The following ATP1B1 variants were observed in gnomAD, a reference collection of about 807,000 sequenced individuals.
ATP1B1 encodes the protein sodium/potassium-transporting ATPase subunit beta-1.
A neutral mutation model predicts 39.6 loss-of-function variants in ATP1B1; 3 were observed. That is an observed-to-expected ratio of 0.08 (90% CI 0.03 to 0.20). The LOEUF (loss-of-function observed/expected upper bound fraction) is 0.20, where lower values mean the gene tolerates loss of function less well. Ranked by LOEUF, ATP1B1 falls within the 10% of genes least tolerant of loss-of-function variation. The pLI, the probability that ATP1B1 is intolerant of heterozygous loss-of-function variation, is 1.00. For synonymous variants in ATP1B1, 139 were observed against 135.0 expected, an observed-to-expected ratio of 1.03 and a Z score of -0.20; for missense variants, 216 against 371.1, an observed-to-expected ratio of 0.58 and a Z score of 3.43.
intron 2 of ATP1B1, among the ~76,000 whole-genome samples, chr1:169,115,185 CAAAAAAAAA>C (rs35200858): frequency 2.5e-5 from 2 of 79,032 alleles, no homozygotes; most frequent in Non-Finnish European, 5.3e-5. Context: ...GACTCCATCT[CAAAAAAAAA>C]AAAAAGAAAA....
chr1:169,120,761 T>G (rs918585066), intron 2 of ATP1B1, among the ~76,000 whole-genome samples: 3 of 152,220 alleles, frequency 2.0e-5, no homozygotes, highest in Non-Finnish European at 2.9e-5. Context: ...GGCTTTCAGG[T>G]TGAAAGGGAT....
Position 169,120,580 on chromosome 1 carries a change from G to A in ATP1B1, c.227-4304G>A, listed in dbSNP as rs555236325. ...GCAAGTCACAGGGTTCTAAGACTCC[G>A]TGCTTAGCTGTCTTATGTTTCACCC... is the stretch of plus-strand genomic sequence containing the variant. On this transcript the variant is annotated intron_variant, in intron 2 of 5. Transcript: ENST00000367815. Among the ~76,000 whole-genome samples, 49 of 152,294 alleles carry A rather than the reference G, an allele frequency of 3.2e-4. 1 individual carries two copies. Among genetic ancestry groups the A allele is most frequent in the African/African-American group, 1.1e-3 (44 of 41,554 alleles).
intron 2 of ATP1B1, among the ~76,000 whole-genome samples, chr1:169,124,438 C>T (rs7540067): frequency 0.42 from 64,180 of 151,980 alleles, 14,965 homozygotes; most frequent in Non-Finnish European, 0.52. Context: ...AAGGCTTACA[C>T]GTAATTAGGG....
Position 169,131,231 on chromosome 1 carries a change from T to C in ATP1B1, c.649-61T>C. Reference sequence around the variant, plus strand: ...TACTGTGTAGATTGAGTCTTGTTTTTGAGTACACATAGTGATGCATGATGT... The same window carrying C: ...TACTGTGTAGATTGAGTCTTGTTTTCGAGTACACATAGTGATGCATGATGT... On this transcript the variant is annotated intron_variant, in intron 5 of 5. Transcript: ENST00000367815. This position sits in a 1 kb window ranked among gnomAD's most constrained non-coding sequence, Gnocchi z 4.4. The C allele has an allele frequency of 6.6e-7, 1 of 1,521,986 alleles. No homozygotes were observed. The highest frequency in any genetic ancestry group is 1.4e-5 in the South Asian group (1 of 73,924). 94.3% of individuals were successfully genotyped at this position (1,521,986 alleles called of 1,614,324 possible).
Position 169,111,795 on chromosome 1 carries a change from G to C in ATP1B1, c.226+297G>C, listed in dbSNP as rs534216859. ...ACTGTGAACAGATTGAGTTCTGATGGGGGCCTCTGTCTTCTCATTTTTCAT... is the reference window on the plus strand; with the variant it reads ...ACTGTGAACAGATTGAGTTCTGATGCGGGCCTCTGTCTTCTCATTTTTCAT... On this transcript the variant is annotated intron_variant, in intron 2 of 5. Coordinates refer to ENST00000367815, the MANE Select transcript of ATP1B1 (RefSeq NM_001677.4). Among the ~76,000 whole-genome samples, 62 of 152,074 alleles carry C rather than the reference G, an allele frequency of 4.1e-4. 1 individual carries two copies. Among genetic ancestry groups the C allele is most frequent in the Admixed American group, 1.3e-3 (20 of 15,280 alleles).
At chr1:169,107,427 A>C (rs1557945656) in intron 1 of ATP1B1, among the ~76,000 whole-genome samples, 1 of 152,136 alleles carries the variant, frequency 6.6e-6, no homozygotes, top group East Asian at 1.9e-4. Flanking sequence ...GGTGGAGAGG[A>C]ATCCATCCAC....
intron 2 of ATP1B1, among the ~76,000 whole-genome samples, chr1:169,124,516 C>T (rs1360349483): frequency 1.3e-5 from 2 of 152,200 alleles, no homozygotes; most frequent in East Asian, 3.9e-4. Context: ...CGTTGGGGTA[C>T]TAGAAACATA....
Position 169,106,938 on chromosome 1 carries a change from G to C in ATP1B1, c.97+12G>C, listed in dbSNP as rs1657604630. The C allele has an allele frequency of 1.9e-6, 3 of 1,570,700 alleles. No homozygotes were observed. Among genetic ancestry groups the C allele is most frequent in the African/African-American group, 1.4e-5 (1 of 70,838 alleles). The stretch of plus-strand genomic sequence containing the variant: ...CGGTGGCAGTTGGTGTAAGTACGGG[G>C]TCCGCAGCTCCCGGCCGCCGCGTCT... On this transcript the variant is annotated intron_variant, in intron 1 of 5. Transcript: ENST00000367815.
chr1:169,131,894 G>A lies in ATP1B1; in HGVS notation c.*339G>A, dbSNP rs1238033553. The A allele has an allele frequency of 8.4e-6, 3 of 357,280 alleles. No homozygotes were observed. The highest frequency in any genetic ancestry group is 2.1e-5 in the African/African-American group (1 of 46,602). 22.1% of individuals were successfully genotyped at this position (357,280 alleles called of 1,614,324 possible). On this transcript the variant is annotated 3_prime_UTR_variant, in exon 6 of 6. Coordinates refer to ENST00000367815, the MANE Select transcript of ATP1B1 (RefSeq NM_001677.4). The surrounding 1 kb of genome is among the most constrained non-coding windows in gnomAD (Gnocchi z 4.4). The stretch of plus-strand genomic sequence containing the variant: ...CCTTGTGTATTTTATTTAGTGTACA[G>A]TACTACAGGTGCATACTCTGGTCAT...
At chr1:169,128,654 C>G (rs1419840522) in intron 4 of ATP1B1, among the ~76,000 whole-genome samples, 1 of 152,216 alleles carries the variant, frequency 6.6e-6, no homozygotes, top group Non-Finnish European at 1.5e-5. Flanking sequence ...CTGGGGAATA[C>G]TTCACTGAGA....
At chr1:169,123,176 G>A (rs552936868) in intron 2 of ATP1B1, among the ~76,000 whole-genome samples, 6 of 152,262 alleles carry the variant, frequency 3.9e-5, no homozygotes, top group Non-Finnish European at 7.3e-5. Context: ...CGTTAACGTC[G>A]TTGTCTTCAT....
At chr1:169,119,821 G>T (rs980214921) in intron 2 of ATP1B1, among the ~76,000 whole-genome samples, 11 of 152,056 alleles carry the variant, frequency 7.2e-5, no homozygotes, top group Non-Finnish European at 1.6e-4. Flanking sequence ...TGTAAGTTGG[G>T]AACTGTCTGT....
chr1:169,113,691 A>G (rs1395173159), intron 2 of ATP1B1, among the ~76,000 whole-genome samples: 1 of 152,078 alleles, frequency 6.6e-6, no homozygotes, highest in Non-Finnish European at 1.5e-5. Flanking sequence ...TCCCCTTCCT[A>G]AAAGACATGT....
intron 1 of ATP1B1, chr1:169,110,631 A>G (rs1657709307): frequency 2.5e-6 from 3 of 1,220,658 alleles, no homozygotes; most frequent in African/African-American, 1.9e-5. Flanking sequence ...CTTGTTAACT[A>G]TGGGAAAAAG....
At position 169,106,804 on chromosome 1, in the gene ATP1B1, G is replaced by T. The variant is rs762008819; in HGVS notation, c.-26G>T. On this transcript the variant is annotated 5_prime_UTR_variant, in exon 1 of 6. Transcript: ENST00000367815. The stretch of plus-strand genomic sequence containing the variant: ...GCCGCAGCCACCCACCCTCCGGACC[G>T]CGGCAGCTGCTGACCCGCCATCGCC... 1.7e-5 allele frequency: 27 copies of T among 1,559,322 alleles called. No homozygotes were observed. In the Admixed American group the frequency reaches 3.2e-4, roughly 18 times the overall value.
chr1:169,127,146 C>A, intron 3 of ATP1B1, 78 bp from the exon 4 acceptor site: 1 of 1,428,572 alleles, frequency 7.0e-7, no homozygotes, highest in Non-Finnish European at 9.3e-7. Context: ...GTAACTATGA[C>A]AAGGAAGACA....
chr1:169,128,810 T>C (rs1181734245), intron 4 of ATP1B1, among the ~76,000 whole-genome samples: 1 of 152,238 alleles, frequency 6.6e-6, no homozygotes, highest in Non-Finnish European at 1.5e-5. Context: ...TCTAGTCTAT[T>C]GTGATTGATT....
rs1009430917 is a variant in ATP1B1 at position 169,132,033 on chromosome 1, T to TG, written c.*478_*479insG. On this transcript the variant is annotated 3_prime_UTR_variant, in exon 6 of 6. Coordinates refer to ENST00000367815, the MANE Select transcript of ATP1B1 (RefSeq NM_001677.4). ...CTGGCATGGTAATTTTTTTTTTTTT[T>TG]TTTTTTTTGTTTTTTGGCTCTTTCA... The TG allele has an allele frequency of 6.0e-4, 142 of 235,714 alleles. No individual in the cohort carries two copies. The highest frequency in any genetic ancestry group is 2.7e-3 in the African/African-American group (106 of 39,372). The allele number at this position is 235,714 out of a possible 1,614,324, so 14.6% of individuals were successfully genotyped here.
Position 169,120,429 on chromosome 1 carries a change from C to G in ATP1B1, c.227-4455C>G, listed in dbSNP as rs542694214. ...CAGAGGGAAACATGAGCTCACAAAA[C>G]AGTAAGACATGACTGAGCTTTCTGG... On this transcript the variant is annotated intron_variant, in intron 2 of 5. Coordinates refer to ENST00000367815, the MANE Select transcript of ATP1B1 (RefSeq NM_001677.4). 7.5e-4 allele frequency among the ~76,000 whole-genome samples: 114 copies of G among 152,310 alleles called. 2 individuals are homozygous for G. Among genetic ancestry groups the G allele is most frequent in the Admixed American group, 1.2e-3 (18 of 15,294 alleles).
Sources: allele counts gnomAD v4.1 joint callset (sites outside exome capture counted in the v4.1 genomes callset), GRCh38; gene constraint gnomAD v4.1.1; non-coding constraint Gnocchi (gnomAD v3.1); transcripts MANE v1.5; gene names NCBI Gene and HGNC (gene_info 2026-07-23, HGNC 2026-07-21).